The following MAPK4 variants were observed in gnomAD, a reference collection of about 807,000 sequenced individuals.
The protein encoded by MAPK4 is Erk3-related.
In MAPK4, 22 loss-of-function variants were observed where a neutral mutation model predicts 47.7. The ratio of observed to expected loss-of-function variants is 0.46; its 90% confidence interval spans 0.33 to 0.66. The LOEUF (loss-of-function observed/expected upper bound fraction) is 0.66. Ranked by LOEUF, MAPK4 falls within the 30% of genes least tolerant of loss-of-function variation. The pLI, the probability that MAPK4 is intolerant of heterozygous loss-of-function variation, is 0.02. For synonymous variants in MAPK4, 390 were observed against 365.7 expected, an observed-to-expected ratio of 1.07 and a Z score of -0.76; for missense variants, 736 against 831.7, an observed-to-expected ratio of 0.88 and a Z score of 1.42.
At chr18:50,697,782 T>C (rs1909589781) in intron 2 of MAPK4, among the ~76,000 whole-genome samples, 2 of 152,154 alleles carry the variant, frequency 1.3e-5, no homozygotes, top group South Asian at 4.1e-4. Flanking sequence ...CATCTGGAGA[T>C]AGAAATGCTC....
chr18:50,605,782 A>G (rs1174553486), intron 1 of MAPK4, among the ~76,000 whole-genome samples: 1 of 152,106 alleles, frequency 6.6e-6, no homozygotes, highest in African/African-American at 2.4e-5. Context: ...GTTCCTCCAT[A>G]CAGCTCACCT....
intron 3 of MAPK4, among the ~76,000 whole-genome samples, chr18:50,716,719 C>T (rs7238837): frequency 0.021 from 3,142 of 152,208 alleles, 101 homozygotes; most frequent in African/African-American, 0.069. Context: ...CTTGCAGCCC[C>T]GCCCTGTCCT....
At chr18:50,585,914 G>A (rs2042384093) in intron 1 of MAPK4, among the ~76,000 whole-genome samples, 1 of 152,158 alleles carries the variant, frequency 6.6e-6, no homozygotes, top group African/African-American at 2.4e-5. Context: ...AGAACAGCAT[G>A]GGGGTTACTG....
At chr18:50,669,911 G>T (rs1349746709) in intron 2 of MAPK4, 2 of 152,302 alleles carry the variant, frequency 1.3e-5, no homozygotes, top group Non-Finnish European at 2.9e-5. Flanking sequence ...TGTAATCCCA[G>T]CACTTTGGGA....
chr18:50,609,124 C>G (rs2042608479), intron 1 of MAPK4, among the ~76,000 whole-genome samples: 1 of 152,108 alleles, frequency 6.6e-6, no homozygotes, highest in Non-Finnish European at 1.5e-5. Context: ...CTACGTCTTT[C>G]TACACAGACA....
chr18:50,611,841 T>C (rs1281850152), intron 1 of MAPK4, among the ~76,000 whole-genome samples: 2 of 152,144 alleles, frequency 1.3e-5, no homozygotes, highest in African/African-American at 4.8e-5. Flanking sequence ...GATCACACCA[T>C]TGACATCACT....
chr18:50,662,781 C>T (rs767373510), intron 1 of MAPK4, among the ~76,000 whole-genome samples: 16 of 152,198 alleles, frequency 1.1e-4, no homozygotes, highest in Non-Finnish European at 1.8e-4. Flanking sequence ...ATTAATTTTC[C>T]GAAGGTCAGA....
chr18:50,721,691 A>C (rs111837882), intron 3 of MAPK4, among the ~76,000 whole-genome samples: 138 of 152,314 alleles, frequency 9.1e-4, no homozygotes, highest in African/African-American at 3.0e-3. Flanking sequence ...ATGCTAGGGG[A>C]ATAGATGGGG....
chr18:50,644,120 A>T (rs1193035854), intron 1 of MAPK4, among the ~76,000 whole-genome samples: 2 of 150,124 alleles, frequency 1.3e-5, no homozygotes, highest in Non-Finnish European at 3.0e-5. Context: ...AAGATTTGAG[A>T]TTTCTGCACT....
rs886267071 is a variant in MAPK4, at chr18:50,563,828, A to C, written c.-871+3585A>C. The stretch of plus-strand genomic sequence containing the variant: ...TGTTGAGAGCCTTTCACTGTATGCA[A>C]ACTGGTCTCAGGGGAAAACCAATCT... On this transcript the variant is annotated intron_variant, in intron 1 of 5. Transcript: ENST00000400384. 2.6e-5 allele frequency among the ~76,000 whole-genome samples: 4 copies of C among 152,128 alleles called. No individual in the cohort carries two copies. In the East Asian group the frequency reaches 7.7e-4, roughly 29 times the overall value.
At chr18:50,668,828 ATGAGTGGC>A (rs1907762743) in intron 2 of MAPK4, among the ~76,000 whole-genome samples, 1 of 152,204 alleles carries the variant, frequency 6.6e-6, no homozygotes, top group Non-Finnish European at 1.5e-5. Context: ...AGGTCACACA[ATGAGTGGC>A]TGAGCCTGGG....
intron 4 of MAPK4, among the ~76,000 whole-genome samples, chr18:50,724,512 G>C (rs749445909): frequency 6.6e-6 from 1 of 152,268 alleles, no homozygotes; most frequent in Non-Finnish European, 1.5e-5. Flanking sequence ...CCCCGCACTA[G>C]ACTGGCCCGA....
intron 1 of MAPK4, among the ~76,000 whole-genome samples, chr18:50,638,040 CA>C (rs2042903219): frequency 6.6e-6 from 1 of 152,202 alleles, no homozygotes; most frequent in Admixed American, 6.5e-5. Flanking sequence ...TTAAGGGCAT[CA>C]TGCATGTAAA....
chr18:50,672,907 C>T (rs1248622003), intron 2 of MAPK4, among the ~76,000 whole-genome samples: 1 of 152,226 alleles, frequency 6.6e-6, no homozygotes, highest in Non-Finnish European at 1.5e-5. Flanking sequence ...CGCTGTGCTG[C>T]TTCCCTCATA....
chr18:50,650,256 A>C (rs1598867005), intron 1 of MAPK4, among the ~76,000 whole-genome samples: 1 of 152,202 alleles, frequency 6.6e-6, no homozygotes, highest in African/African-American at 2.4e-5. Context: ...AAAAGAAGGC[A>C]GGCAGCTGCC....
At position 50,664,079 on chromosome 18, in the gene MAPK4, C is replaced by T. The variant is rs776211637; in HGVS notation, c.121C>T (p.Arg41Trp). 2.9e-5 allele frequency: 46 copies of T among 1,613,786 alleles called. No homozygotes were observed. The highest frequency in any genetic ancestry group is 1.2e-4 in the South Asian group (11 of 91,078). Residue 41 changes from arginine (R) to tryptophan (W), a missense_variant, in exon 2 of 6, where the codon CGG becomes TGG. This residue lies in a region of MAPK4 where 327 missense variants were observed against 395.4 expected (regional missense o/e 0.83). Transcript: ENST00000400384. The surrounding 1 kb of genome is among the most constrained non-coding windows in gnomAD (Gnocchi z 6.0). ...NGLVLSAVDS[R>W]ACRKVAVKKI... ...TTTGGTGCTGTCGGCCGTGGACAGC[C>T]GGGCCTGCCGGAAGGTCGCTGTGAA... is the stretch of plus-strand genomic sequence containing the variant.
At chr18:50,625,361 T>C (rs1052014393) in intron 1 of MAPK4, among the ~76,000 whole-genome samples, 5 of 152,198 alleles carry the variant, frequency 3.3e-5, no homozygotes, top group Admixed American at 6.5e-5. Context: ...ATTTTTTTCC[T>C]TCCTCACTTT....
At chr18:50,697,315 A>G (rs989057667) in intron 2 of MAPK4, among the ~76,000 whole-genome samples, 1 of 152,236 alleles carries the variant, frequency 6.6e-6, no homozygotes, top group African/African-American at 2.4e-5. Context: ...CCGGCGTAGC[A>G]TATGGGTGTC....
intron 3 of MAPK4, 22 bp from the exon 4 acceptor site, chr18:50,721,916 C>G: frequency 6.2e-7 from 1 of 1,613,442 alleles, no homozygotes; most frequent in Non-Finnish European, 8.5e-7. Flanking sequence ...GCACACTTAA[C>G]CATCTGGCAT....
Sources: gnomAD v4.1 joint callset for allele counts (sites outside exome capture counted in the v4.1 genomes callset) on GRCh38, gnomAD v4.1.1 for gene constraint, gnomAD v4.1.1 regional missense constraint, Gnocchi (gnomAD v3.1) non-coding constraint, MANE v1.5 for transcripts, NCBI Gene and HGNC (gene_info 2026-07-23, HGNC 2026-07-21) for gene names.